The following MAML3 variants were observed in gnomAD, a reference collection of about 807,000 sequenced individuals.
The protein encoded by MAML3 is mastermind-like protein 3.
MAML3 carries 27 observed loss-of-function variants against 101.9 expected under a neutral mutation model. That is an observed-to-expected ratio of 0.27 (90% CI 0.20 to 0.37). MAML3 has a LOEUF of 0.37. MAML3 is among the 10% of genes least tolerant of loss of function. The pLI, the probability that MAML3 is intolerant of heterozygous loss-of-function variation, is 1.00. For synonymous variants in MAML3, 501 were observed against 555.9 expected (o/e 0.90, Z 1.39); for missense variants, 1,316 against 1,444.9 (o/e 0.91, Z 1.45).
intron 4 of MAML3, among the ~76,000 whole-genome samples, chr4:139,721,791 TAA>T (rs948591729): frequency 1.3e-4 from 20 of 152,224 alleles, no homozygotes; most frequent in Admixed American, 1.2e-3. Context: ...TCATTATATC[TAA>T]GTGATTTTTT....
At chr4:140,152,462 G>A (rs945196659) in intron 1 of MAML3, among the ~76,000 whole-genome samples, 2 of 152,094 alleles carry the variant, frequency 1.3e-5, no homozygotes, top group East Asian at 1.9e-4. Context: ...GCGAGGCGGC[G>A]CGGCTAGAGG....
At chr4:140,120,191 C>T (rs1487065800) in intron 1 of MAML3, among the ~76,000 whole-genome samples, 1 of 145,968 alleles carries the variant, frequency 6.9e-6, no homozygotes, top group African/African-American at 2.6e-5. Context: ...GAGCCAAGAT[C>T]GCGCCACCGC....
chr4:139,786,825 C>A (rs142328547), intron 2 of MAML3, among the ~76,000 whole-genome samples: 55 of 152,248 alleles, frequency 3.6e-4, no homozygotes, highest in African/African-American at 1.3e-3. Context: ...CAGGTTAATG[C>A]TAGTACAGTT....
chr4:139,986,847 G>C lies in MAML3; in HGVS notation c.469-95880C>G, dbSNP rs1004083914. 7.2e-5 allele frequency among the ~76,000 whole-genome samples: 11 copies of C among 152,320 alleles called. No individual in the cohort carries two copies. In the South Asian group the frequency reaches 2.3e-3, roughly 32 times the overall value. On this transcript the variant is annotated intron_variant, in intron 1 of 4. Coordinates refer to ENST00000509479, the MANE Select transcript of MAML3 (RefSeq NM_018717.5). ...ATCGGCAATTTGCCTGGTGGGGTTG[G>C]ATAGCATGTGGCTGATAGGTCTCAG...
rs1429138334 is a variant in MAML3 at position 139,735,098 on chromosome 4, C to A, written c.2080-4431G>T. Among the ~76,000 whole-genome samples, 1 of 152,326 alleles carries A rather than the reference C, an allele frequency of 6.6e-6. No homozygotes were observed. Among genetic ancestry groups the A allele is most frequent in the Non-Finnish European group, 1.5e-5 (1 of 68,028 alleles). ...GCGGCCCCCGCCCCGCGCGTCTGGG[C>A]GAGCGCTGCGAACGTGGAGCCAGGC... On this transcript the variant is annotated intron_variant, in intron 2 of 4. Transcript: ENST00000509479. This position sits in a 1 kb window ranked among gnomAD's most constrained non-coding sequence, Gnocchi z 5.8.
chr4:139,722,856 A>G (rs1382249009), intron 4 of MAML3, among the ~76,000 whole-genome samples: 2 of 152,212 alleles, frequency 1.3e-5, no homozygotes, highest in Admixed American at 6.5e-5. Context: ...ACATCATGCT[A>G]TCTAGGGTGT....
At chr4:139,815,967 T>C (rs1730885573) in intron 2 of MAML3, among the ~76,000 whole-genome samples, 3 of 152,310 alleles carry the variant, frequency 2.0e-5, no homozygotes, top group Admixed American at 1.3e-4. Flanking sequence ...ACACTCATTG[T>C]GTCGAATGGT....
intron 1 of MAML3, among the ~76,000 whole-genome samples, chr4:140,011,112 A>T (rs796745880): frequency 0.13 from 15,417 of 118,670 alleles, 1,827 homozygotes; most frequent in East Asian, 0.52. Context: ...AAAAAAAAAA[A>T]GTGTGTGTGT....
intron 1 of MAML3, among the ~76,000 whole-genome samples, chr4:140,064,662 T>C (rs1237030950): frequency 1.3e-5 from 2 of 152,208 alleles, no homozygotes; most frequent in Non-Finnish European, 2.9e-5. Flanking sequence ...TGCTGTGGCC[T>C]GGTCCTCTTT....
chr4:140,101,422 C>T (rs915618298), intron 1 of MAML3, among the ~76,000 whole-genome samples: 1 of 152,180 alleles, frequency 6.6e-6, no homozygotes, highest in African/African-American at 2.4e-5. Flanking sequence ...TTGTAATGCA[C>T]TTGTGTAATG....
chr4:140,002,751 A>G (rs1007264825), intron 1 of MAML3, among the ~76,000 whole-genome samples: 1 of 152,130 alleles, frequency 6.6e-6, no homozygotes, highest in Admixed American at 6.5e-5. Flanking sequence ...AACCAAAACA[A>G]TATAGTGGCA....
At chr4:139,965,277 A>G (rs936033302) in intron 1 of MAML3, among the ~76,000 whole-genome samples, 6 of 150,088 alleles carry the variant, frequency 4.0e-5, no homozygotes, top group African/African-American at 1.5e-4. Flanking sequence ...TTGGATTTTC[A>G]TGACACAAAC....
chr4:139,884,027 A>T (rs763959737), intron 2 of MAML3, among the ~76,000 whole-genome samples: 11 of 151,246 alleles, frequency 7.3e-5, no homozygotes, highest in Non-Finnish European at 1.6e-4. Flanking sequence ...GATTACAGGC[A>T]CCTGCCACCA....
intron 1 of MAML3, among the ~76,000 whole-genome samples, chr4:139,987,210 C>T (rs1734554369): frequency 6.6e-6 from 1 of 152,202 alleles, no homozygotes; most frequent in South Asian, 2.1e-4. Context: ...GCAATAGTAT[C>T]CCTCTCCCTC....
In MAML3 at chr4:139,969,297, G is replaced by A. The variant is rs559175549; in HGVS notation, c.469-78330C>T. On this transcript the variant is annotated intron_variant, in intron 1 of 4. Transcript: ENST00000509479. ...TGGGATAGGTAGGTAGGTAGATAGAGAGGCAGGGCACGGGAAGAGAGACAG... is the reference window on the plus strand; with the variant it reads ...TGGGATAGGTAGGTAGGTAGATAGAAAGGCAGGGCACGGGAAGAGAGACAG... 3.8e-4 allele frequency among the ~76,000 whole-genome samples: 58 copies of A among 151,832 alleles called. 1 individual carries two copies. Among genetic ancestry groups the A allele is most frequent in the African/African-American group, 1.4e-3 (56 of 41,404 alleles).
At chr4:139,830,507 C>T (rs1216050297) in intron 2 of MAML3, among the ~76,000 whole-genome samples, 8 of 151,046 alleles carry the variant, frequency 5.3e-5, no homozygotes, top group East Asian at 2.0e-4. Context: ...CGCCGCCTCC[C>T]GGGTTCCCGC....
intron 2 of MAML3, among the ~76,000 whole-genome samples, chr4:139,762,444 G>A (rs2111055138): frequency 6.6e-6 from 1 of 152,202 alleles, no homozygotes; most frequent in South Asian, 2.1e-4. Context: ...GATTTTTCAA[G>A]CCCACTGCTT....
intron 1 of MAML3, among the ~76,000 whole-genome samples, chr4:139,971,726 G>T (rs1734238589): frequency 6.6e-6 from 1 of 152,000 alleles, no homozygotes; most frequent in Non-Finnish European, 1.5e-5. Context: ...TCTGGGTTAG[G>T]TAGAATTACT....
chr4:139,842,051 C>T (rs1226255925), intron 2 of MAML3, among the ~76,000 whole-genome samples: 1 of 152,184 alleles, frequency 6.6e-6, no homozygotes, highest in Non-Finnish European at 1.5e-5. Context: ...CAGATGCACA[C>T]AGGATCAATA....
Sources: gnomAD v4.1 joint callset for allele counts (sites outside exome capture counted in the v4.1 genomes callset) on GRCh38, gnomAD v4.1.1 for gene constraint, Gnocchi (gnomAD v3.1) non-coding constraint, MANE v1.5 for transcripts, NCBI Gene and HGNC (gene_info 2026-07-23, HGNC 2026-07-21) for gene names.